Variants in GHR observed in about 807,000 individuals in gnomAD.
The protein encoded by GHR is growth hormone receptor, also known as GH receptor.
A neutral mutation model predicts 67.1 loss-of-function variants in GHR; 35 were observed. The observed-to-expected ratio is 0.52, with a 90% CI of 0.40 to 0.69. GHR has a LOEUF of 0.69. GHR is among the 30% of genes least tolerant of loss of function. The pLI is 0.00. For missense variants in GHR, 792 were observed against 764.6 expected (o/e 1.04, Z -0.42); for synonymous variants, 272 against 269.1 (o/e 1.01, Z -0.10).
intron 1 of GHR, among the ~76,000 whole-genome samples, chr5:42,506,131 T>C (rs932914201): frequency 1.3e-5 from 2 of 152,238 alleles, no homozygotes; most frequent in African/African-American, 4.8e-5. Context: ...TGCTGCATAC[T>C]CAGTGAGACA....
At chr5:42,431,651 G>A (rs1308422392) in intron 1 of GHR, among the ~76,000 whole-genome samples, 2 of 152,128 alleles carry the variant, frequency 1.3e-5, no homozygotes, top group East Asian at 1.9e-4. Flanking sequence ...TTCTTTTGTT[G>A]TTGATAAGAC....
chr5:42,696,991 A>C (rs1339148318), intron 5 of GHR, among the ~76,000 whole-genome samples: 4 of 152,162 alleles, frequency 2.6e-5, no homozygotes, highest in African/African-American at 7.2e-5. Context: ...TGCAATGTGA[A>C]ACGTAGATTG....
At chr5:42,689,217 A>G (rs374393819) in intron 4 of GHR, among the ~76,000 whole-genome samples, 198 bp downstream of exon 4, 1 of 152,246 alleles carries the variant, frequency 6.6e-6, no homozygotes, top group East Asian at 1.9e-4. Flanking sequence ...CTGGAGATAT[A>G]GCAGTGATTA....
intron 1 of GHR, among the ~76,000 whole-genome samples, chr5:42,531,610 G>A (rs1009884607): frequency 2.0e-5 from 3 of 151,984 alleles, no homozygotes; most frequent in Non-Finnish European, 2.9e-5. Context: ...ACCCTGGATT[G>A]TTGTGTTCTA....
intron 1 of GHR, among the ~76,000 whole-genome samples, chr5:42,497,882 G>A (rs1247590646): frequency 6.6e-6 from 1 of 152,178 alleles, no homozygotes; most frequent in Non-Finnish European, 1.5e-5. Context: ...GTGGGTGCTT[G>A]TAGGTTGGGG....
At chr5:42,526,048 T>C (rs1007033618) in intron 1 of GHR, among the ~76,000 whole-genome samples, 1 of 152,072 alleles carries the variant, frequency 6.6e-6, no homozygotes, top group African/African-American at 2.4e-5. Flanking sequence ...TAATTAAGCT[T>C]AGTGAGGAAG....
chr5:42,439,529 A>C (rs1743475021), intron 1 of GHR, among the ~76,000 whole-genome samples: 1 of 152,194 alleles, frequency 6.6e-6, no homozygotes, highest in Non-Finnish European at 1.5e-5. Flanking sequence ...TTTGATTAAT[A>C]TCTTTAGTGC....
At position 42,528,293 on chromosome 5, in the gene GHR, T is replaced by C. The variant is rs372044501; in HGVS notation, c.-11-37571T>C. On this transcript the variant is annotated intron_variant, in intron 1 of 9. Transcript: ENST00000230882. ...CATCCTAGATACCATTAAAAACATTTATGATTCATAGGAGGAGGTCAAAAT... is the reference window on the plus strand; with the variant it reads ...CATCCTAGATACCATTAAAAACATTCATGATTCATAGGAGGAGGTCAAAAT... Among the ~76,000 whole-genome samples the C allele has an allele frequency of 8.5e-5, 13 of 152,330 alleles. No individual in the cohort carries two copies. In the East Asian group the frequency reaches 1.9e-3, roughly 23 times the overall value.
intron 3 of GHR, among the ~76,000 whole-genome samples, chr5:42,634,128 C>T (rs180918718): frequency 6.7e-6 from 1 of 149,226 alleles, no homozygotes; most frequent in South Asian, 2.1e-4. Flanking sequence ...ATCTCTTTGT[C>T]TTTTTTTTTT....
At chr5:42,605,030 A>C (rs2112647826) in intron 2 of GHR, among the ~76,000 whole-genome samples, 1 of 150,952 alleles carries the variant, frequency 6.6e-6, no homozygotes, top group South Asian at 2.1e-4. Context: ...GTCTTGTCAA[A>C]CTGGCTTTGT....
Position 42,424,716 on chromosome 5 carries a change from C to T in GHR, c.-12+761C>T, listed in dbSNP as rs1019694209. On this transcript the variant is annotated intron_variant, in intron 1 of 9. Transcript: ENST00000230882. This position sits in a 1 kb window ranked among gnomAD's most constrained non-coding sequence, Gnocchi z 4.1. Reference sequence around the variant, plus strand: ...CAGAGGCTGCGGGTCAATGGGGTGGCCGCGTGTCTAGGGAGAGGGCGCTGG... The same window carrying T: ...CAGAGGCTGCGGGTCAATGGGGTGGTCGCGTGTCTAGGGAGAGGGCGCTGG... 2.8e-6 allele frequency: 3 copies of T among 1,057,698 alleles called. No individual in the cohort carries two copies. Among genetic ancestry groups the T allele is most frequent in the Middle Eastern group, 2.0e-4 (1 of 4,934 alleles). 65.5% of individuals were successfully genotyped at this position (1,057,698 alleles called of 1,614,324 possible).
intron 1 of GHR, among the ~76,000 whole-genome samples, chr5:42,500,875 T>G (rs1746512817): frequency 6.6e-6 from 1 of 152,228 alleles, no homozygotes; most frequent in South Asian, 2.1e-4. Context: ...TTAAATTAAG[T>G]TCAGTATTAT....
intron 1 of GHR, among the ~76,000 whole-genome samples, chr5:42,497,925 T>G (rs1218798334): frequency 6.6e-6 from 1 of 152,190 alleles, no homozygotes; most frequent in African/African-American, 2.4e-5. Context: ...TCTGTCAGTA[T>G]CTTCAGGCCC....
chr5:42,601,972 A>G (rs1298773966), intron 2 of GHR, among the ~76,000 whole-genome samples: 1 of 152,212 alleles, frequency 6.6e-6, no homozygotes, highest in African/African-American at 2.4e-5. Flanking sequence ...GAGTATAAAA[A>G]TAAATCTGGC....
intron 3 of GHR, among the ~76,000 whole-genome samples, chr5:42,664,505 A>G (rs566607817): frequency 9.1e-4 from 138 of 152,374 alleles, no homozygotes; most frequent in South Asian, 2.1e-3. Context: ...AGGATTCCCT[A>G]TTTAATAAAT....
chr5:42,701,913 G>A (rs893130097), intron 6 of GHR, among the ~76,000 whole-genome samples: 2 of 151,914 alleles, frequency 1.3e-5, no homozygotes, highest in African/African-American at 4.8e-5. Flanking sequence ...CAAAGTACTA[G>A]ATAGAATCGT....
intron 3 of GHR, among the ~76,000 whole-genome samples, chr5:42,631,974 T>C (rs994926556): frequency 6.6e-6 from 1 of 152,118 alleles, no homozygotes; most frequent in African/African-American, 2.4e-5. Context: ...TACCAGTCAG[T>C]GCAGTGCAGT....
At chr5:42,674,443 T>C (rs892296004) in intron 3 of GHR, among the ~76,000 whole-genome samples, 3 of 152,184 alleles carry the variant, frequency 2.0e-5, no homozygotes, top group African/African-American at 7.2e-5. Context: ...ATCACTACTA[T>C]CTAACTCTAG....
Position 42,586,661 on chromosome 5 carries a change from A to T in GHR, c.70+20717A>T, listed in dbSNP as rs144126270. On this transcript the variant is annotated intron_variant, in intron 2 of 9. Coordinates refer to ENST00000230882, the MANE Select transcript of GHR (RefSeq NM_000163.5). ...AAAGCAAAATGTATGTCAAAATCCA[A>T]AAGCAGAGTGAAGCCTCGGGACTTC... Among the ~76,000 whole-genome samples the T allele has an allele frequency of 3.2e-3, 485 of 152,314 alleles. 1 individual carries two copies. The highest frequency in any genetic ancestry group is 0.011 in the African/African-American group (455 of 41,568).
Sources: allele counts gnomAD v4.1 joint callset (sites outside exome capture counted in the v4.1 genomes callset), GRCh38; gene constraint gnomAD v4.1.1; non-coding constraint Gnocchi (gnomAD v3.1); transcripts MANE v1.5; gene names NCBI Gene and HGNC (gene_info 2026-07-23, HGNC 2026-07-21).